The following GARNL3 variants were observed in gnomAD, a reference collection of about 807,000 sequenced individuals.
The protein encoded by GARNL3 is GTPase-activating Rap/Ran-GAP domain-like protein 3.
A neutral mutation model predicts 125.0 loss-of-function variants in GARNL3; 63 were observed. The ratio of observed to expected loss-of-function variants is 0.50; its 90% CI spans 0.41 to 0.62. The LOEUF is 0.62. Among genes scored for constraint, GARNL3 ranks in the 20% least tolerant of loss-of-function variants. The pLI is 0.00. For synonymous variants in GARNL3, 439 were observed against 457.5 expected (o/e 0.96, Z 0.52); for missense variants, 994 against 1,244.0 (o/e 0.80, Z 3.02).
At chr9:127,389,582 A>T (rs2131841078) in intron 26 of GARNL3, among the ~76,000 whole-genome samples, 1 of 152,254 alleles carries the variant, frequency 6.6e-6, no homozygotes, top group East Asian at 1.9e-4. Context: ...CAGTGGGGGC[A>T]GGTCTGTGGA....
At chr9:127,276,246 C>T (rs1316316912) in intron 1 of GARNL3, among the ~76,000 whole-genome samples, 1 of 152,058 alleles carries the variant, frequency 6.6e-6, no homozygotes, top group Non-Finnish European at 1.5e-5. Flanking sequence ...CCTTAGCCTC[C>T]CAAGGCAAGG....
chr9:127,390,592 C>T (rs187906002), intron 26 of GARNL3, 49 bp from the exon 27 acceptor site: 141 of 1,587,360 alleles, frequency 8.9e-5, no homozygotes, highest in Non-Finnish European at 1.1e-4. Context: ...TTTCTGTCTC[C>T]GTGGCAGCCC....
chr9:127,339,576 C>A (rs1829751250), intron 12 of GARNL3, 69 bp from the exon 13 acceptor site: 2 of 1,093,108 alleles, frequency 1.8e-6, no homozygotes, highest in Non-Finnish European at 2.8e-6. Context: ...ATTCAAGTGG[C>A]GATTTGGGTG....
Position 127,353,827 on chromosome 9 carries a change from A to G in GARNL3, c.1544-19A>G. Reference sequence around the variant, plus strand: ...GTGGGCTGGGTTGCAGTGATGGGTAACCAGGTTTCCTTTTCCAGATGACCT... The same window carrying G: ...GTGGGCTGGGTTGCAGTGATGGGTAGCCAGGTTTCCTTTTCCAGATGACCT... On this transcript the variant is annotated intron_variant, in intron 17 of 27. Coordinates refer to ENST00000373387, the MANE Select transcript of GARNL3 (RefSeq NM_032293.5). The G allele has an allele frequency of 6.4e-7, 1 of 1,566,496 alleles. No homozygotes were observed. Among genetic ancestry groups the G allele is most frequent in the Non-Finnish European group, 8.8e-7 (1 of 1,136,656 alleles).
At chr9:127,254,492 T>C (rs1255793732) in intron 2 of GARNL3, among the ~76,000 whole-genome samples, 2 of 152,132 alleles carry the variant, frequency 1.3e-5, no homozygotes, top group African/African-American at 4.8e-5. Flanking sequence ...ACAAATAATA[T>C]CTACCAATTC....
intron 13 of GARNL3, among the ~76,000 whole-genome samples, chr9:127,340,167 C>T (rs972537213): frequency 1.3e-5 from 2 of 152,022 alleles, no homozygotes; most frequent in Non-Finnish European, 2.9e-5. Flanking sequence ...TGCACACTTG[C>T]GTGAGTGTAT....
intron 1 of GARNL3, among the ~76,000 whole-genome samples, chr9:127,271,078 G>A (rs1230154329): frequency 6.7e-6 from 1 of 150,160 alleles, no homozygotes; most frequent in African/African-American, 2.5e-5. Flanking sequence ...TTTCTCTGGA[G>A]ATGATATAGA....
intron 1 of GARNL3, among the ~76,000 whole-genome samples, chr9:127,283,811 GTTGT>G (rs993915211): frequency 3.9e-5 from 6 of 152,172 alleles, no homozygotes; most frequent in Non-Finnish European, 5.9e-5. Context: ...TGTTGTTGTT[GTTGT>G]TTGTTTGTTT....
rs559748915 is a variant in GARNL3, at chr9:127,339,696, A to G, written c.1080A>G (p.Pro360=). The G allele has an allele frequency of 3.7e-6, 6 of 1,614,016 alleles. No individual in the cohort carries two copies. In the African/African-American group the frequency reaches 6.7e-5, roughly 18 times the overall value. The change falls in exon 13 of 28, where the codon CCA becomes CCG. Residue 360 remains proline, a synonymous_variant. Transcript: ENST00000373387. ...ESVPLFGPPL[P]TPPVFTDHQE... is the part of the protein sequence containing the mutation. ...TACCACTCTTTGGCCCTCCCTTGCC[A>G]ACTCCACCAGTGTTTACAGACCACC...
At chr9:127,291,656 C>T (rs900232521) in intron 2 of GARNL3, among the ~76,000 whole-genome samples, 1 of 151,190 alleles carries the variant, frequency 6.6e-6, no homozygotes, top group African/African-American at 2.4e-5. Flanking sequence ...CTGCCTACTG[C>T]TCCTTGGGCC....
At chr9:127,386,257 C>A (rs1443008204) in intron 24 of GARNL3, among the ~76,000 whole-genome samples, 1 of 152,194 alleles carries the variant, frequency 6.6e-6, no homozygotes, top group Non-Finnish European at 1.5e-5. Flanking sequence ...CACCCTCATA[C>A]AACTCATAGT....
upstream of GARNL3, chr9:127,263,797 C>A: frequency 8.0e-7 from 1 of 1,252,384 alleles, no homozygotes. Flanking sequence ...ATTCAGCCAT[C>A]TCTGTGAAAT....
chr9:127,312,011 T>G (rs2065110913), intron 3 of GARNL3, among the ~76,000 whole-genome samples: 1 of 152,194 alleles, frequency 6.6e-6, no homozygotes, highest in African/African-American at 2.4e-5. Flanking sequence ...ATTTGAGAGA[T>G]AAGACGAATT....
chr9:127,267,685 G>A (rs1448270256), intron 1 of GARNL3, among the ~76,000 whole-genome samples: 1 of 152,198 alleles, frequency 6.6e-6, no homozygotes, highest in Non-Finnish European at 1.5e-5. Flanking sequence ...AGAGGAGCGT[G>A]ATGTTTCCTC....
rs1322774920 is a variant in GARNL3, at chr9:127,389,126, G to A, written c.2743+7G>A. The A allele has an allele frequency of 1.9e-6, 3 of 1,602,310 alleles. No individual in the cohort carries two copies. Among genetic ancestry groups the A allele is most frequent in the African/African-American group, 1.3e-5 (1 of 74,712 alleles). On this transcript the variant is annotated splice_region_variant and intron_variant, in intron 26 of 27. Transcript: ENST00000373387. ...ACCCGCAGGGAACTACTGGGTAATG[G>A]TTCTCAATCCTGGTTTCCACTGTCT...
chr9:127,357,286 A>G lies in GARNL3; in HGVS notation c.2003A>G (p.Asn668Ser), dbSNP rs759906078. ...GATGGGCCAGCTGAAGAGAGTGACA[A>G]TCTCATCTGTGTGGCTTATCGACAC... ...LVDGPAEESD[N>S]LICVAYRHQF... is the part of the protein sequence containing the mutation. The change falls in exon 21 of 28, where the codon AAT becomes AGT. Residue 668 changes from asparagine (N) to serine (S), a missense_variant. By Grantham distance (46) the Asn-to-Ser change is conservative (BLOSUM62 1). Transcript: ENST00000373387. The G allele has an allele frequency of 3.0e-5, 49 of 1,614,078 alleles. No individual in the cohort carries two copies. Among genetic ancestry groups the G allele is most frequent in the Non-Finnish European group, 4.0e-5 (47 of 1,180,024 alleles).
At chr9:127,357,510 C>A in intron 21 of GARNL3, 133 bp downstream of exon 21, 5 of 849,712 alleles carry the variant, frequency 5.9e-6, no homozygotes, top group East Asian at 2.7e-5. Flanking sequence ...TTATGTGATT[C>A]ACTATTTAGA....
At chr9:127,240,027 TAA>T (rs931324411) in intron 1 of GARNL3, among the ~76,000 whole-genome samples, 21 of 152,248 alleles carry the variant, frequency 1.4e-4, no homozygotes, top group African/African-American at 4.6e-4. Flanking sequence ...ATGTATTCTG[TAA>T]TATTCCAAAT....
In GARNL3 at chr9:127,242,382, A is replaced by G. The variant is rs1253489463; in HGVS notation, c.-28-697A>G. Among the ~76,000 whole-genome samples, 1 of 152,216 alleles carries G rather than the reference A, an allele frequency of 6.6e-6. No homozygotes were observed. Among genetic ancestry groups the G allele is most frequent in the Non-Finnish European group, 1.5e-5 (1 of 68,036 alleles). On this transcript the variant is annotated intron_variant, in intron 1 of 10. Transcript: ENST00000439286. The surrounding 1 kb of genome is among the most constrained non-coding windows in gnomAD (Gnocchi z 4.6). ...ATTGGCTCAGAAAATAATTCCAGTC[A>G]GAAGGAGTGTGATGCCTGCATTTCC...
Sources: gnomAD v4.1 joint callset for allele counts (sites outside exome capture counted in the v4.1 genomes callset) on GRCh38, gnomAD v4.1.1 for gene constraint, Gnocchi (gnomAD v3.1) non-coding constraint, MANE v1.5 for transcripts, NCBI Gene and HGNC (gene_info 2026-07-23, HGNC 2026-07-21) for gene names.